Variants in GSE1 observed in about 807,000 individuals in gnomAD.
GSE1 encodes the protein Gse1 coiled-coil protein.
GSE1 carries 32 observed loss-of-function variants against 112.6 expected under a neutral mutation model. That is an observed-to-expected ratio of 0.28 (90% CI 0.21 to 0.38). The LOEUF (loss-of-function observed/expected upper bound fraction) is 0.38. Among genes scored for constraint, GSE1 ranks in the 10% least tolerant of loss-of-function variants. The pLI, the probability that GSE1 is intolerant of heterozygous loss-of-function variation, is 1.00. For synonymous variants in GSE1, 1,115 were observed against 735.6 expected (o/e 1.52, Z -8.35); for missense variants, 2,348 against 1,699.2 (o/e 1.38, Z -6.71).
intron 2 of GSE1, among the ~76,000 whole-genome samples, chr16:85,436,839 A>G (rs949128897): frequency 6.6e-6 from 1 of 152,086 alleles, no homozygotes; most frequent in African/African-American, 2.4e-5. Flanking sequence ...CGCAGGCCAG[A>G]GTGTGGGCTG....
At chr16:85,239,654 C>T (rs1040784671) in intron 1 of GSE1, among the ~76,000 whole-genome samples, 2 of 152,222 alleles carry the variant, frequency 1.3e-5, no homozygotes, top group African/African-American at 4.8e-5. Flanking sequence ...GGGCGGGCCC[C>T]ACGGCTCCCA....
chr16:85,327,207 C>T (rs1284082821), intron 1 of GSE1, among the ~76,000 whole-genome samples: 1 of 152,150 alleles, frequency 6.6e-6, no homozygotes, highest in Non-Finnish European at 1.5e-5. Flanking sequence ...ATGATCTGGC[C>T]TCCAAAGCCA....
At chr16:85,554,865 C>T (rs2045120020), upstream of GSE1, 1 of 985,204 alleles carries the variant, frequency 1.0e-6, no homozygotes, top group South Asian at 4.7e-5. Context: ...GCGGCGCCCG[C>T]AGCCGCCCAC....
At chr16:85,398,903 G>T (rs2048027617) in intron 2 of GSE1, among the ~76,000 whole-genome samples, 1 of 152,164 alleles carries the variant, frequency 6.6e-6, no homozygotes, top group Non-Finnish European at 1.5e-5. Flanking sequence ...TGTTTGTGTA[G>T]ACATGTATAA....
chr16:85,497,798 T>C (rs2151906754), intron 2 of GSE1, among the ~76,000 whole-genome samples: 1 of 152,254 alleles, frequency 6.6e-6, no homozygotes, highest in East Asian at 1.9e-4. Context: ...AGACTGCTTT[T>C]CTGCACCCCC....
rs147451671 is a variant in GSE1 at position 85,661,471 on chromosome 16, C to A, written c.1966C>A (p.Pro656Thr). 79 of 1,611,760 alleles carry A rather than the reference C, an allele frequency of 4.9e-5. No homozygotes were observed. The highest frequency in any genetic ancestry group is 5.8e-5 in the Non-Finnish European group (68 of 1,179,424). ...LDKYQPPPPP[P>T]REGGSLEHQP... is the part of the protein sequence containing the mutation. The stretch of plus-strand genomic sequence containing the variant: ...CAAGTACCAGCCACCTCCGCCGCCA[C>A]CACGAGAGGGAGGGAGCCTGGAGCA... Residue 656 changes from proline (P) to threonine (T), a missense_variant, in exon 9 of 16, where the codon CCA (proline) becomes ACA (threonine). Pro to Thr is a conservative substitution (Grantham distance 38, BLOSUM62 -1). Transcript: ENST00000253458.
intron 1 of GSE1, among the ~76,000 whole-genome samples, chr16:85,557,477 T>TA (rs2045293006): frequency 6.6e-6 from 1 of 152,134 alleles, no homozygotes; most frequent in Non-Finnish European, 1.5e-5. Flanking sequence ...GTTGAGGCTT[T>TA]TATAAAATTC....
chr16:85,310,800 C>G (rs1597364083), intron 1 of GSE1, among the ~76,000 whole-genome samples: 1 of 151,642 alleles, frequency 6.6e-6, no homozygotes, highest in Admixed American at 6.6e-5. Flanking sequence ...ACCCACCTCC[C>G]CAGCCCAGCC....
At chr16:85,652,587 G>A (rs1475632249) in intron 3 of GSE1, among the ~76,000 whole-genome samples, 1 of 152,098 alleles carries the variant, frequency 6.6e-6, no homozygotes, top group African/African-American at 2.4e-5. Context: ...AATCCTCGCT[G>A]ACTGTCTCCT....
At chr16:85,625,144 C>T (rs1056448836) in intron 1 of GSE1, among the ~76,000 whole-genome samples, 2 of 152,194 alleles carry the variant, frequency 1.3e-5, no homozygotes, top group African/African-American at 4.8e-5. Flanking sequence ...GGCCGCCTCC[C>T]TGCCGAGGCC....
At chr16:85,294,118 A>C (rs1250941313) in intron 1 of GSE1, among the ~76,000 whole-genome samples, 1 of 152,206 alleles carries the variant, frequency 6.6e-6, no homozygotes, top group Non-Finnish European at 1.5e-5. Context: ...CGCAACAGCC[A>C]AGCCAGGTGG....
At chr16:85,642,024 C>T (rs936353688) in intron 2 of GSE1, among the ~76,000 whole-genome samples, 1 of 152,288 alleles carries the variant, frequency 6.6e-6, no homozygotes, top group East Asian at 1.9e-4. Flanking sequence ...GCCCCGCCCT[C>T]CCTCCAGCTG....
chr16:85,331,422 T>TGTATATATGTATATATATGC (rs1567692750), intron 1 of GSE1, among the ~76,000 whole-genome samples: 3 of 94,634 alleles, frequency 3.2e-5, no homozygotes, highest in Admixed American at 1.3e-4. Context: ...TGCGTATATA[T>TGTATATATGTATATATATGC]GTATATATGT....
At chr16:85,327,330 C>A (rs555524305) in intron 1 of GSE1, among the ~76,000 whole-genome samples, 1 of 152,174 alleles carries the variant, frequency 6.6e-6, no homozygotes, top group East Asian at 1.9e-4. Flanking sequence ...AGGCCGGATG[C>A]GGTGGCTCAC....
At chr16:85,529,956 G>T (rs988492511) in intron 2 of GSE1, among the ~76,000 whole-genome samples, 1 of 152,206 alleles carries the variant, frequency 6.6e-6, no homozygotes, top group Non-Finnish European at 1.5e-5. Context: ...ACAGGCACTG[G>T]CAAGATGAGT....
Position 85,359,755 on chromosome 16 carries a change from G to A in GSE1, c.2464+2112G>A, listed in dbSNP as rs377283304. Among the ~76,000 whole-genome samples the A allele has an allele frequency of 1.9e-4, 29 of 152,194 alleles. 1 individual carries two copies. The South Asian group carries it at 5.0e-3, about 26-fold the overall frequency. On this transcript the variant is annotated intron_variant, in intron 2 of 2. Coordinates refer to the GSE1 transcript ENST00000637419. Reference sequence around the variant, plus strand: ...AGGGGGATGGGGCACGAACCCCGACGTCTGGCTCCCGCGCCGAACTCACCC... The same window carrying A: ...AGGGGGATGGGGCACGAACCCCGACATCTGGCTCCCGCGCCGAACTCACCC...
chr16:85,308,016 C>T lies in GSE1; in HGVS notation c.2284-49447C>T, dbSNP rs143597098. Among the ~76,000 whole-genome samples, 860 of 152,268 alleles carry T rather than the reference C, an allele frequency of 5.6e-3. 14 individuals carry two copies. The highest frequency in any genetic ancestry group is 0.02 in the African/African-American group (816 of 41,548). On this transcript the variant is annotated intron_variant, in intron 1 of 2. Coordinates refer to the GSE1 transcript ENST00000637419. ...AGGGGCGGGCTTGGTTATTTCCCTCCGGGGGCTGTGCCGGCAGCGTGGACA... is the reference window on the plus strand; with the variant it reads ...AGGGGCGGGCTTGGTTATTTCCCTCTGGGGGCTGTGCCGGCAGCGTGGACA...
chr16:85,633,984 C>T lies in GSE1; in HGVS notation c.78C>T (p.Val26=), dbSNP rs1213829745. 6.2e-7 allele frequency: 1 copy of T among 1,613,270 alleles called. No homozygotes were observed. The highest frequency in any genetic ancestry group is 1.7e-4 in the Middle Eastern group (1 of 6,058). ...CCGCGACCAGGACCACCGCCACCGT[C>T]AACCCCCTCACCCCCTCGCCGCTCA... ...LSTATRTTAT[V]NPLTPSPLNG... is the part of the protein sequence containing the mutation. Residue 26 remains valine (V), a synonymous_variant, in exon 2 of 16, where the codon GTC becomes GTT. Transcript: ENST00000253458.
At chr16:85,559,138 G>A (rs570581642) in intron 1 of GSE1, among the ~76,000 whole-genome samples, 1 of 152,222 alleles carries the variant, frequency 6.6e-6, no homozygotes, top group Non-Finnish European at 1.5e-5. Context: ...GGGATTACAG[G>A]CTTTACGTGC....
Sources: gnomAD v4.1 joint callset for allele counts (sites outside exome capture counted in the v4.1 genomes callset) on GRCh38, gnomAD v4.1.1 for gene constraint, MANE v1.5 for transcripts, NCBI Gene and HGNC (gene_info 2026-07-23, HGNC 2026-07-21) for gene names.